SNRNP48: variants seen among roughly 807,000 people sequenced by gnomAD.
SNRNP48 encodes the protein U11/U12 small nuclear ribonucleoprotein 48 kDa protein.
Under a neutral mutation model 47.0 loss-of-function variants are expected in SNRNP48, and 43 were observed. The observed-to-expected ratio is 0.92, with a 90% CI of 0.72 to 1.18. The LOEUF (loss-of-function observed/expected upper bound fraction) is 1.18, where lower values mean the gene tolerates loss of function less well. Ranked by LOEUF, SNRNP48 falls within the 50% of genes most tolerant of loss-of-function variation. The pLI, the probability that SNRNP48 is intolerant of heterozygous loss-of-function variation, is 0.00. For synonymous variants in SNRNP48, 138 were observed against 144.0 expected (o/e 0.96, Z 0.30); for missense variants, 396 against 422.2 (o/e 0.94, Z 0.54).
rs1760183827 is a variant in SNRNP48 at position 7,609,017 on chromosome 6, A to G, written c.*144A>G. 7.7e-6 allele frequency: 3 copies of G among 389,404 alleles called. No individual in the cohort carries two copies. Among genetic ancestry groups the G allele is most frequent in the South Asian group, 1.1e-4 (1 of 8,922 alleles). 24.1% of individuals were successfully genotyped at this position (389,404 alleles called of 1,614,324 possible). On this transcript the variant is annotated 3_prime_UTR_variant, in exon 9 of 9. Transcript: ENST00000342415. ...TTTTTTTATGATCTGTTTAGTGCTT[A>G]TTATTTTCCAGTAAATATGCTTCAA... is the stretch of plus-strand genomic sequence containing the variant.
In SNRNP48 at chr6:7,607,637, A is replaced by G. The variant is rs926127194; in HGVS notation, c.972-1188A>G. 8.6e-5 allele frequency among the ~76,000 whole-genome samples: 13 copies of G among 151,956 alleles called. 1 individual carries two copies. The highest frequency in any genetic ancestry group is 1.5e-4 in the Non-Finnish European group (10 of 68,000). On this transcript the variant is annotated intron_variant, in intron 8 of 8. Transcript: ENST00000342415. ...TCAAGCAGAGCTGATCATCTTTTCC[A>G]TTTTGTTGCCACCCTACCTAGCTTA...
chr6:7,601,212 G>C, intron 4 of SNRNP48, 124 bp from the exon 5 acceptor site: 1 of 656,512 alleles, frequency 1.5e-6, no homozygotes, highest in Non-Finnish European at 2.4e-6. Context: ...GTATACTTAG[G>C]GATTATGAAA....
Position 7,601,519 on chromosome 6 carries a change from A to G in SNRNP48, c.590A>G (p.Asn197Ser), listed in dbSNP as rs2113720269. 3.2e-6 allele frequency: 5 copies of G among 1,575,672 alleles called. No individual in the cohort carries two copies. The highest frequency in any genetic ancestry group is 3.4e-4 in the Middle Eastern group (2 of 5,892). ...DLFVDLAAKI[N>S]QDNSRKSPKS... The stretch of plus-strand genomic sequence containing the variant: ...TTTGTAGACTTGGCTGCCAAAATCA[A>G]TCAAGGTTTGAGATGCACATCATGG... The change falls in exon 5 of 9, where the codon AAT (asparagine) becomes AGT (serine). Residue 197 changes from asparagine (N) to serine (S), a missense_variant. Coordinates refer to ENST00000342415, the MANE Select transcript of SNRNP48 (RefSeq NM_152551.4).
intron 3 of SNRNP48, 23 bp downstream of exon 3, chr6:7,594,182 TTAAAAATA>T: frequency 8.8e-7 from 1 of 1,140,856 alleles, no homozygotes; most frequent in Non-Finnish European, 1.2e-6. Context: ...TTATTATAAT[TTAAAAATA>T]TCTTAGTGTA....
At position 7,590,239 on chromosome 6, in the gene SNRNP48, T is replaced by C. The variant is rs762229291; in HGVS notation, c.-19T>C. ...GGTCTGCAGTTCGGCCGCTTCCTCT[T>C]GGCGGGTGGGCTGCAGCTATGGAGG... On this transcript the variant is annotated 5_prime_UTR_variant, in exon 1 of 9. Coordinates refer to ENST00000342415, the MANE Select transcript of SNRNP48 (RefSeq NM_152551.4). 1.2e-5 allele frequency: 16 copies of C among 1,300,004 alleles called. No individual in the cohort carries two copies. Among genetic ancestry groups the C allele is most frequent in the Admixed American group, 7.4e-5 (2 of 27,108 alleles). The allele number at this position is 1,300,004 out of a possible 1,614,324, so 80.5% of individuals were successfully genotyped here. A position where few individuals can be genotyped will look rare whatever the true frequency, so the allele number is the denominator to read the frequency against.
rs1425649850 is a variant in SNRNP48 at position 7,605,977 on chromosome 6, A to G, written c.807-54A>G. ...TTTAGACTGGTGTGTCTGTGTACGTATACTGGAGACCAGTGGTAACACAAA... is the reference window on the plus strand; with the variant it reads ...TTTAGACTGGTGTGTCTGTGTACGTGTACTGGAGACCAGTGGTAACACAAA... On this transcript the variant is annotated intron_variant, in intron 7 of 8. Transcript: ENST00000342415. 8 of 1,535,704 alleles carry G rather than the reference A, an allele frequency of 5.2e-6. 1 individual carries two copies. The highest frequency in any genetic ancestry group is 4.2e-5 in the African/African-American group (3 of 71,930).
chr6:7,601,468 A>C lies in SNRNP48; in HGVS notation c.539A>C (p.Gln180Pro). 1 of 1,599,738 alleles carries C rather than the reference A, an allele frequency of 6.3e-7. No homozygotes were observed. Among genetic ancestry groups the C allele is most frequent in the Non-Finnish European group, 8.5e-7 (1 of 1,176,918 alleles). The change falls in exon 5 of 9, where the codon CAA (glutamine) becomes CCA (proline). Residue 180 changes from glutamine to proline, a missense_variant. Transcript: ENST00000342415. The stretch of plus-strand genomic sequence containing the variant: ...ACAAAGAAAAAGCGCTCTGATTCTC[A>C]AATTATTGAAAATGACAGCGATCTC... ...EETKKKRSDS[Q>P]IIENDSDLFV...
chr6:7,593,676 T>C, intron 1 of SNRNP48, 58 bp from the exon 2 acceptor site: 2 of 1,088,148 alleles, frequency 1.8e-6, no homozygotes, highest in South Asian at 1.8e-5. Context: ...CATTTAATGG[T>C]AATTATTTAT....
chr6:7,606,010 A>G, intron 7 of SNRNP48, 21 bp from the exon 8 acceptor site: 1 of 1,585,282 alleles, frequency 6.3e-7, no homozygotes, highest in Middle Eastern at 1.7e-4. Context: ...AAACTGATTA[A>G]CATTCTTTTC....
At chr6:7,607,899 C>A (rs897700651) in intron 8 of SNRNP48, among the ~76,000 whole-genome samples, 1 of 152,172 alleles carries the variant, frequency 6.6e-6, no homozygotes, top group Non-Finnish European at 1.5e-5. Context: ...CTACCTATGA[C>A]TTAGTCCTTT....
chr6:7,605,601 G>T (rs111790865), intron 7 of SNRNP48, 115 bp downstream of exon 7: 2 of 936,520 alleles, frequency 2.1e-6, no homozygotes, highest in African/African-American at 3.3e-5. Flanking sequence ...CAGTAAACTC[G>T]TGAAAATGCT....
chr6:7,601,049 T>G, intron 4 of SNRNP48: 2 of 223,456 alleles, frequency 9.0e-6, no homozygotes, highest in Non-Finnish European at 1.7e-5. Context: ...TTAGAGCAAA[T>G]TGTCTCTTAT....
intron 4 of SNRNP48, among the ~76,000 whole-genome samples, chr6:7,598,069 G>T (rs1489553979): frequency 1.3e-5 from 2 of 151,474 alleles, no homozygotes; most frequent in African/African-American, 4.8e-5. Context: ...GGGTTTCACT[G>T]TGTTAGCCAC....
intron 3 of SNRNP48, among the ~76,000 whole-genome samples, chr6:7,594,555 C>G (rs770800916): frequency 6.6e-5 from 10 of 152,160 alleles, no homozygotes; most frequent in Non-Finnish European, 1.2e-4. Context: ...CTGTTTTTAT[C>G]ATGAAAGATG....
intron 6 of SNRNP48, among the ~76,000 whole-genome samples, chr6:7,603,432 G>A (rs769132980): frequency 3.3e-5 from 5 of 151,936 alleles, no homozygotes; most frequent in African/African-American, 1.2e-4. Flanking sequence ...AATTGTTCCC[G>A]TATTATTTCT....
At chr6:7,600,214 A>G in intron 4 of SNRNP48, 1 of 985,942 alleles carries the variant, frequency 1.0e-6, no homozygotes, top group African/African-American at 1.7e-5. Context: ...ATGGCCTCAG[A>G]TTCACTGCAG....
At position 7,609,045 on chromosome 6, in the gene SNRNP48, C is replaced by A. The variant is rs1760184196; in HGVS notation, c.*172C>A. 1.1e-5 allele frequency: 4 copies of A among 352,740 alleles called. No individual in the cohort carries two copies. In the East Asian group the frequency reaches 1.6e-4, roughly 14 times the overall value. The allele number at this position is 352,740 out of a possible 1,614,324, so 21.9% of individuals were successfully genotyped here. A position where few individuals can be genotyped will look rare whatever the true frequency, so the allele number is the denominator to read the frequency against. On this transcript the variant is annotated 3_prime_UTR_variant, in exon 9 of 9. Transcript: ENST00000342415. Reference sequence around the variant, plus strand: ...ATTTTCCAGTAAATATGCTTCAAACCATGAGTACACTATTAGGCCCTACAA... The same window carrying A: ...ATTTTCCAGTAAATATGCTTCAAACAATGAGTACACTATTAGGCCCTACAA...
intron 6 of SNRNP48, among the ~76,000 whole-genome samples, chr6:7,603,182 A>C (rs747451258): frequency 3.9e-5 from 6 of 152,206 alleles, no homozygotes; most frequent in Non-Finnish European, 7.4e-5. Context: ...GTATGCAAAC[A>C]CAAATTTCTT....
intron 2 of SNRNP48, 62 bp from the exon 3 acceptor site, chr6:7,594,037 G>C: frequency 1.8e-6 from 2 of 1,094,834 alleles, no homozygotes; most frequent in East Asian, 5.4e-5. Flanking sequence ...CTATTGTTTA[G>C]GTCAAGTCTT....
Sources: gnomAD v4.1 joint callset for allele counts (sites outside exome capture counted in the v4.1 genomes callset) on GRCh38, gnomAD v4.1.1 for gene constraint, MANE v1.5 for transcripts, NCBI Gene and HGNC (gene_info 2026-07-23, HGNC 2026-07-21) for gene names.